The following KCNK9 variants were observed in gnomAD, a reference collection of about 807,000 sequenced individuals.
KCNK9 encodes potassium channel subfamily K member 9.
In KCNK9, 1 loss-of-function variant was observed where a neutral mutation model predicts 10.8. The ratio of observed to expected loss-of-function variants is 0.09; its 90% CI spans 0.03 to 0.44. KCNK9 has a LOEUF of 0.44. KCNK9 is among the 20% of genes least tolerant of loss of function. The probability of loss-of-function intolerance (pLI) is 0.97; values close to 1 mark genes in which losing one functional copy is unlikely to be tolerated. For synonymous variants in KCNK9, 231 were observed against 222.7 expected (o/e 1.04, Z -0.33); for missense variants, 303 against 515.0 (o/e 0.59, Z 3.98).
intron 1 of KCNK9, among the ~76,000 whole-genome samples, chr8:139,622,813 T>C (rs1230264587): frequency 6.6e-6 from 1 of 152,234 alleles, no homozygotes; most frequent in Non-Finnish European, 1.5e-5. Context: ...ACATGTCAGA[T>C]GTTCCCAAAT....
chr8:139,688,400 C>T (rs1391547605), intron 1 of KCNK9, among the ~76,000 whole-genome samples: 1 of 152,176 alleles, frequency 6.6e-6, no homozygotes, highest in Non-Finnish European at 1.5e-5. Flanking sequence ...GGGAAGCAGG[C>T]AACTTCTTCA....
At chr8:139,691,406 C>T (rs1280696803) in intron 1 of KCNK9, among the ~76,000 whole-genome samples, 6 of 152,204 alleles carry the variant, frequency 3.9e-5, no homozygotes, top group Middle Eastern at 3.4e-3. Context: ...TCAACATTGC[C>T]GAGGGCTGCT....
chr8:139,636,436 T>G (rs778921716), intron 1 of KCNK9, among the ~76,000 whole-genome samples: 21 of 152,380 alleles, frequency 1.4e-4, no homozygotes, highest in Non-Finnish European at 2.2e-4. Flanking sequence ...GAGTCACTCC[T>G]TAAGCCATTT....
intron 1 of KCNK9, among the ~76,000 whole-genome samples, chr8:139,637,498 C>T (rs1815372672): frequency 6.6e-6 from 1 of 151,980 alleles, no homozygotes; most frequent in African/African-American, 2.4e-5. Flanking sequence ...AATAGATAAA[C>T]CTGGAAGAAA....
At chr8:139,635,634 G>GTC (rs1239569860) in intron 1 of KCNK9, among the ~76,000 whole-genome samples, 1 of 152,166 alleles carries the variant, frequency 6.6e-6, no homozygotes, top group Non-Finnish European at 1.5e-5. Context: ...CCAGCCACCT[G>GTC]TCTTTATTTT....
chr8:139,605,130 G>A (rs1474682461), intron 2 of KCNK9, among the ~76,000 whole-genome samples: 1 of 152,230 alleles, frequency 6.6e-6, no homozygotes, highest in Non-Finnish European at 1.5e-5. Flanking sequence ...CTGAGCACCT[G>A]CTAACTGCCT....
chr8:139,626,685 G>C (rs1444357403), intron 1 of KCNK9, among the ~76,000 whole-genome samples: 2 of 152,222 alleles, frequency 1.3e-5, no homozygotes, highest in African/African-American at 4.8e-5. Flanking sequence ...AGTTCCCTGG[G>C]ACAGGCTGCC....
chr8:139,694,629 T>C (rs544385140), intron 1 of KCNK9, among the ~76,000 whole-genome samples: 1 of 152,300 alleles, frequency 6.6e-6, no homozygotes, highest in Admixed American at 6.5e-5. Context: ...GGTAGGGACC[T>C]GCCCCCCACT....
At chr8:139,609,734 T>C (rs1814361671), downstream of KCNK9, among the ~76,000 whole-genome samples, 1 of 152,146 alleles carries the variant, frequency 6.6e-6, no homozygotes, top group South Asian at 2.1e-4. Flanking sequence ...AGGATCCATA[T>C]GTCATTAAAA....
At chr8:139,675,677 A>T (rs2129747320) in intron 1 of KCNK9, among the ~76,000 whole-genome samples, 1 of 152,248 alleles carries the variant, frequency 6.6e-6, no homozygotes, top group Middle Eastern at 3.4e-3. Flanking sequence ...GCAGCCCGAA[A>T]TAAGACACTC....
At chr8:139,677,607 C>G (rs1463800349) in intron 1 of KCNK9, among the ~76,000 whole-genome samples, 1 of 70,328 alleles carries the variant, frequency 1.4e-5, no homozygotes, top group Non-Finnish European at 3.3e-5. Flanking sequence ...TGACTCCCCA[C>G]AGCTGCAGAG....
chr8:139,612,024 C>A (rs1563712722), downstream of KCNK9: 1 of 152,170 alleles, frequency 6.6e-6, no homozygotes. Flanking sequence ...CGCTCACAAC[C>A]AAAACAAGGA....
chr8:139,623,103 T>C (rs2471094), intron 1 of KCNK9, among the ~76,000 whole-genome samples: 46,314 of 152,118 alleles, frequency 0.3, 8,202 homozygotes, highest in East Asian at 0.54. Flanking sequence ...GTACACACCA[T>C]GTCTACAGAT....
intron 1 of KCNK9, among the ~76,000 whole-genome samples, chr8:139,694,972 C>CATCT (rs1293900078): frequency 6.6e-6 from 1 of 152,200 alleles, no homozygotes; most frequent in Non-Finnish European, 1.5e-5. Flanking sequence ...CAGTGGCTGA[C>CATCT]ATCTGCCCAC....
chr8:139,631,570 A>G (rs913233662), intron 1 of KCNK9, among the ~76,000 whole-genome samples: 4 of 151,798 alleles, frequency 2.6e-5, no homozygotes, highest in Non-Finnish European at 5.9e-5. Flanking sequence ...GGCCGCCTCC[A>G]CCCCTTTCCA....
intron 1 of KCNK9, among the ~76,000 whole-genome samples, chr8:139,646,271 G>C (rs549688657): frequency 7.2e-4 from 110 of 152,232 alleles, no homozygotes; most frequent in Non-Finnish European, 1.4e-3. Flanking sequence ...CCAACCAGCT[G>C]TGCGCTGGTT....
intron 1 of KCNK9, among the ~76,000 whole-genome samples, chr8:139,641,743 C>T (rs1352239246): frequency 6.6e-6 from 1 of 152,192 alleles, no homozygotes; most frequent in Non-Finnish European, 1.5e-5. Flanking sequence ...CTGCCGTGCC[C>T]GCTACATGGC....
chr8:139,625,354 C>G (rs368373706), intron 1 of KCNK9, among the ~76,000 whole-genome samples: 27 of 152,344 alleles, frequency 1.8e-4, no homozygotes, highest in African/African-American at 6.0e-4. Context: ...CTATCCAGAC[C>G]CTGACTGGCC....
At chr8:139,655,382 G>C (rs947031211) in intron 1 of KCNK9, among the ~76,000 whole-genome samples, 1 of 152,052 alleles carries the variant, frequency 6.6e-6, no homozygotes, top group Non-Finnish European at 1.5e-5. Context: ...AGCCTTTCTC[G>C]CCACCCAGAC....
Sources: gnomAD v4.1 joint callset for allele counts (sites outside exome capture counted in the v4.1 genomes callset) on GRCh38, gnomAD v4.1.1 for gene constraint, MANE v1.5 for transcripts, NCBI Gene and HGNC (gene_info 2026-07-23, HGNC 2026-07-21) for gene names.